Variants in KIAA1217 observed in about 807,000 individuals in gnomAD.
KIAA1217 encodes the protein sickle tail protein homolog.
In KIAA1217, 88 loss-of-function variants were observed where a neutral mutation model predicts 163.9. That is an observed-to-expected ratio of 0.54 (90% confidence interval 0.45 to 0.64). The LOEUF is 0.64. Among genes scored for constraint, KIAA1217 ranks in the 30% least tolerant of loss-of-function variants. KIAA1217 has a pLI of 0.00. For synonymous variants in KIAA1217, 903 were observed against 923.1 expected (o/e 0.98, Z 0.39); for missense variants, 2,372 against 2,475.0 (o/e 0.96, Z 0.88).
chr10:24,314,707 C>T (rs976258626), intron 2 of KIAA1217, among the ~76,000 whole-genome samples: 7 of 151,830 alleles, frequency 4.6e-5, no homozygotes, highest in Admixed American at 2.6e-4. Flanking sequence ...TTTGGGAGGC[C>T]GAGGCAGGAG....
At chr10:24,488,768 A>T (rs897137194) in intron 6 of KIAA1217, among the ~76,000 whole-genome samples, 9 of 152,212 alleles carry the variant, frequency 5.9e-5, no homozygotes, top group Non-Finnish European at 1.0e-4. Context: ...CAGGGCATGA[A>T]CAAACAAGGG....
intron 2 of KIAA1217, among the ~76,000 whole-genome samples, chr10:24,195,095 T>C (rs2066922169): frequency 6.6e-6 from 1 of 152,074 alleles, no homozygotes; most frequent in Non-Finnish European, 1.5e-5. Flanking sequence ...GGAAGGCAGA[T>C]TCCTCCAGGC....
intron 1 of KIAA1217, among the ~76,000 whole-genome samples, chr10:23,943,126 A>G (rs775459938): frequency 6.6e-6 from 1 of 152,114 alleles, no homozygotes; most frequent in Non-Finnish European, 1.5e-5. Context: ...ACTGTCTCAA[A>G]ATTTAAAAAA....
intron 1 of KIAA1217, among the ~76,000 whole-genome samples, chr10:23,970,587 TTAA>T (rs1033447861): frequency 6.6e-6 from 1 of 152,210 alleles, no homozygotes; most frequent in African/African-American, 2.4e-5. Context: ...ATGACTATAG[TTAA>T]TAATAATGTA....
intron 2 of KIAA1217, among the ~76,000 whole-genome samples, chr10:24,295,113 C>T (rs938357086): frequency 6.6e-6 from 1 of 152,180 alleles, no homozygotes; most frequent in Admixed American, 6.5e-5. Context: ...AAGACCTCCT[C>T]TTCTGAGAAT....
intron 1 of KIAA1217, among the ~76,000 whole-genome samples, chr10:23,749,271 T>G (rs954228546): frequency 6.6e-6 from 1 of 152,208 alleles, no homozygotes; most frequent in African/African-American, 2.4e-5. Flanking sequence ...ATGTACCAAT[T>G]TTAACCACTG....
At chr10:23,786,087 T>G (rs7084187) in intron 1 of KIAA1217, among the ~76,000 whole-genome samples, 42,284 of 151,988 alleles carry the variant, frequency 0.28, 6,312 homozygotes, top group African/African-American at 0.38. Flanking sequence ...GTAGTGAGAA[T>G]TGTCTGGGGC....
chr10:24,295,617 C>G (rs2040500553), intron 2 of KIAA1217, among the ~76,000 whole-genome samples: 1 of 152,154 alleles, frequency 6.6e-6, no homozygotes, highest in African/African-American at 2.4e-5. Flanking sequence ...AGGCCAATTT[C>G]TCAGGCCCCT....
chr10:24,032,378 G>C (rs1170276076), intron 2 of KIAA1217, among the ~76,000 whole-genome samples: 1 of 151,956 alleles, frequency 6.6e-6, no homozygotes, highest in African/African-American at 2.4e-5. Context: ...TCCCACCTCA[G>C]CCTCCCAAAT....
intron 1 of KIAA1217, among the ~76,000 whole-genome samples, chr10:23,810,698 T>TATTAATTAATTAATTAATTATA (rs1188087203): frequency 8.6e-5 from 11 of 127,868 alleles, no homozygotes; most frequent in African/African-American, 3.0e-4. Flanking sequence ...TAGTATACTA[T>TATTAATTAATTAATTAATTATA]ATTAATCTAT....
chr10:24,084,910 C>CTTTT (rs1197313508), intron 2 of KIAA1217, among the ~76,000 whole-genome samples: 2 of 123,806 alleles, frequency 1.6e-5, no homozygotes, highest in Non-Finnish European at 3.3e-5. Flanking sequence ...GCAGAGTTTA[C>CTTTT]TTTTTTTTTT....
At chr10:23,904,011 T>C (rs1842053011) in intron 1 of KIAA1217, among the ~76,000 whole-genome samples, 1 of 152,166 alleles carries the variant, frequency 6.6e-6, no homozygotes, top group African/African-American at 2.4e-5. Context: ...TGTTTCTGGA[T>C]ATTCTGAAAT....
At chr10:24,388,408 T>G (rs1361178973) in intron 3 of KIAA1217, among the ~76,000 whole-genome samples, 1 of 152,150 alleles carries the variant, frequency 6.6e-6, no homozygotes, top group Non-Finnish European at 1.5e-5. Flanking sequence ...AAAAATTAAT[T>G]CAAGATGAAT....
intron 2 of KIAA1217, among the ~76,000 whole-genome samples, chr10:24,015,206 A>G (rs1483574364): frequency 6.6e-6 from 1 of 152,148 alleles, no homozygotes; most frequent in Non-Finnish European, 1.5e-5. Context: ...GGGCTGTACA[A>G]TGAGATTGCT....
At chr10:24,350,293 G>A (rs1187278017) in intron 2 of KIAA1217, among the ~76,000 whole-genome samples, 1 of 152,162 alleles carries the variant, frequency 6.6e-6, no homozygotes, top group Admixed American at 6.5e-5. Context: ...GAACATTCTT[G>A]TGTATCGTGT....
chr10:24,388,004 C>T (rs2054263047), intron 3 of KIAA1217, among the ~76,000 whole-genome samples: 2 of 152,082 alleles, frequency 1.3e-5, no homozygotes, highest in African/African-American at 4.8e-5. Context: ...GATTCAATGC[C>T]ATCCCCATCA....
intron 1 of KIAA1217, among the ~76,000 whole-genome samples, chr10:23,915,448 AG>A (rs1378625218): frequency 6.6e-6 from 1 of 152,176 alleles, no homozygotes; most frequent in African/African-American, 2.4e-5. Flanking sequence ...AAATGCTATT[AG>A]GAATAGAAAA....
intron 6 of KIAA1217, among the ~76,000 whole-genome samples, chr10:24,488,519 A>G (rs2065694456): frequency 6.6e-6 from 1 of 152,246 alleles, no homozygotes. Context: ...AGTGTCTCCC[A>G]AATAGATCTA....
intron 2 of KIAA1217, among the ~76,000 whole-genome samples, chr10:24,378,851 A>T (rs1057371344): frequency 1.1e-4 from 16 of 152,194 alleles, no homozygotes; most frequent in African/African-American, 3.9e-4. Context: ...CTAAATAGCT[A>T]TGTTTAGGAA....
Sources: allele counts gnomAD v4.1 joint callset (sites outside exome capture counted in the v4.1 genomes callset), GRCh38; gene constraint gnomAD v4.1.1; transcripts MANE v1.5; gene names NCBI Gene and HGNC (gene_info 2026-07-23, HGNC 2026-07-21).